FRMD3: variants seen among roughly 807,000 people sequenced by gnomAD.
FRMD3 encodes FERM domain-containing protein 3.
Under a neutral mutation model 70.2 loss-of-function variants are expected in FRMD3, and 33 were observed. The observed-to-expected ratio is 0.47, with a 90% CI of 0.36 to 0.63. FRMD3 has a LOEUF of 0.63. FRMD3 is among the 20% of genes least tolerant of loss of function. The probability of loss-of-function intolerance (pLI) is 0.00; values close to 1 mark genes in which losing one functional copy is unlikely to be tolerated. For missense variants in FRMD3, 632 were observed against 711.4 expected, an observed-to-expected ratio of 0.89 and a Z score of 1.27; for synonymous variants, 279 against 255.9, an observed-to-expected ratio of 1.09 and a Z score of -0.86.
At chr9:83,283,530 CAAA>C (rs765093024) in intron 13 of FRMD3, among the ~76,000 whole-genome samples, 2,251 of 132,112 alleles carry the variant, frequency 0.017, 58 homozygotes, top group African/African-American at 0.06. Context: ...GAATCCATCT[CAAA>C]AAAAAAAAAA....
chr9:83,369,015 C>G (rs995905478), intron 3 of FRMD3, among the ~76,000 whole-genome samples: 3 of 152,002 alleles, frequency 2.0e-5, no homozygotes, highest in African/African-American at 7.2e-5. Flanking sequence ...CCACCACACC[C>G]AGCTAATTTT....
At position 83,294,398 on chromosome 9, in the gene FRMD3, C is replaced by G. The variant is rs1314597509; in HGVS notation, c.1071-3671G>C. On this transcript the variant is annotated intron_variant, in intron 12 of 13. Coordinates refer to ENST00000304195, the MANE Select transcript of FRMD3 (RefSeq NM_174938.6). ...ACTGGACTAATAAATCTACCAACTC[C>G]TTTAAACTAAAGATTACACCTTCTT... Among the ~76,000 whole-genome samples, 8 of 152,140 alleles carry G rather than the reference C, an allele frequency of 5.3e-5. 1 individual carries two copies. The highest frequency in any genetic ancestry group is 4.6e-4 in the Admixed American group (7 of 15,274).
chr9:83,460,554 G>A (rs1336759739), intron 1 of FRMD3, among the ~76,000 whole-genome samples: 1 of 152,172 alleles, frequency 6.6e-6, no homozygotes, highest in African/African-American at 2.4e-5. Context: ...CTTGTGTCCT[G>A]TGTCCAGTTC....
intron 4 of FRMD3, among the ~76,000 whole-genome samples, chr9:83,344,824 A>AGTGAGTGT (rs1554690831): frequency 1.4e-5 from 2 of 143,972 alleles, no homozygotes; most frequent in African/African-American, 5.1e-5. Flanking sequence ...TGCATGTGTG[A>AGTGAGTGT]GTGTGTGTGT....
At chr9:83,337,627 G>A (rs1823623258) in intron 5 of FRMD3, among the ~76,000 whole-genome samples, 1 of 152,190 alleles carries the variant, frequency 6.6e-6, no homozygotes, top group Non-Finnish European at 1.5e-5. Context: ...AGAAGAACCT[G>A]ATGACCAATA....
chr9:83,534,957 G>A (rs559637504), intron 1 of FRMD3, among the ~76,000 whole-genome samples: 2 of 152,152 alleles, frequency 1.3e-5, no homozygotes, highest in African/African-American at 2.4e-5. Flanking sequence ...CTCTTTCCAT[G>A]TCTGGAAATT....
intron 1 of FRMD3, among the ~76,000 whole-genome samples, chr9:83,450,273 G>A (rs11140095): frequency 0.052 from 7,829 of 149,940 alleles, 515 homozygotes; most frequent in East Asian, 0.37. Context: ...AGACACAGCC[G>A]CATGCACACA....
chr9:83,574,058 G>A, the FRMD3 span, among the ~76,000 whole-genome samples: 12 of 151,988 alleles, frequency 7.9e-5, no homozygotes, highest in African/African-American at 2.7e-4. Context: ...ACCCTCTTCC[G>A]CTACACATGA....
At chr9:83,572,335 T>C in the FRMD3 span, among the ~76,000 whole-genome samples, 1 of 152,096 alleles carries the variant, frequency 6.6e-6, no homozygotes, top group Admixed American at 6.6e-5. Flanking sequence ...GAGGATAGAA[T>C]CAGTGCCGAG....
intron 13 of FRMD3, chr9:83,279,176 T>C (rs1046352556): frequency 6.6e-6 from 1 of 152,222 alleles, no homozygotes; most frequent in African/African-American, 2.4e-5. Flanking sequence ...ATTATCACAT[T>C]TCTAATGTTG....
At chr9:83,453,901 G>C (rs1827741016) in intron 1 of FRMD3, among the ~76,000 whole-genome samples, 1 of 151,892 alleles carries the variant, frequency 6.6e-6, no homozygotes, top group African/African-American at 2.4e-5. Context: ...ATTTTTAGTA[G>C]AGACGGGGTT....
chr9:83,456,420 A>T (rs927148411), intron 1 of FRMD3, among the ~76,000 whole-genome samples: 3 of 152,186 alleles, frequency 2.0e-5, no homozygotes, highest in Non-Finnish European at 4.4e-5. Context: ...AAAACCTAGA[A>T]ATGGAACTGT....
intron 1 of FRMD3, among the ~76,000 whole-genome samples, chr9:83,484,711 C>T (rs991564756): frequency 3.3e-5 from 5 of 152,160 alleles, no homozygotes; most frequent in African/African-American, 7.2e-5. Context: ...AGCCACTGTG[C>T]CCAGCCTGTG....
intron 8 of FRMD3, 49 bp from the exon 9 acceptor site, chr9:83,310,597 C>A (rs377455617): frequency 2.1e-6 from 3 of 1,453,886 alleles, no homozygotes; most frequent in African/African-American, 2.9e-5. Context: ...GGCAGCTAAC[C>A]AAGGTACCTG....
At chr9:83,286,401 A>G (rs1209719275) in intron 13 of FRMD3, among the ~76,000 whole-genome samples, 1 of 151,726 alleles carries the variant, frequency 6.6e-6, no homozygotes, top group Non-Finnish European at 1.5e-5. Context: ...GCATGATCTC[A>G]GCTCACTGCA....
intron 3 of FRMD3, among the ~76,000 whole-genome samples, chr9:83,353,835 A>C (rs1406663108): frequency 6.6e-6 from 1 of 152,230 alleles, no homozygotes; most frequent in Non-Finnish European, 1.5e-5. Context: ...TTCAATCAGC[A>C]ATGATCTATT....
At chr9:83,256,776 C>A (rs1207475437) in intron 13 of FRMD3, among the ~76,000 whole-genome samples, 1 of 152,148 alleles carries the variant, frequency 6.6e-6, no homozygotes, top group Admixed American at 6.5e-5. Flanking sequence ...CTCAACATCC[C>A]TGATCATTAG....
intron 1 of FRMD3, among the ~76,000 whole-genome samples, chr9:83,422,672 C>T (rs995419058): frequency 6.6e-6 from 1 of 152,156 alleles, no homozygotes; most frequent in African/African-American, 2.4e-5. Context: ...CAGAACTCTG[C>T]TTGGTAAAAT....
At chr9:83,556,288 T>C in the FRMD3 span, among the ~76,000 whole-genome samples, 1 of 152,220 alleles carries the variant, frequency 6.6e-6, no homozygotes, top group African/African-American at 2.4e-5. Flanking sequence ...TTCTGTGAAA[T>C]TCCTGAATTC....
Sources: gnomAD v4.1 joint callset for allele counts (sites outside exome capture counted in the v4.1 genomes callset) on GRCh38, gnomAD v4.1.1 for gene constraint, MANE v1.5 for transcripts, NCBI Gene and HGNC (gene_info 2026-07-23, HGNC 2026-07-21) for gene names.